The following NEB variants were observed in gnomAD, a reference collection of about 807,000 sequenced individuals.
The protein encoded by NEB is nebulin.
In NEB, 512 loss-of-function variants were observed where a neutral mutation model predicts 952.2. The observed-to-expected ratio is 0.54, with a 90% CI of 0.50 to 0.58. The LOEUF (loss-of-function observed/expected upper bound fraction) is 0.58. Among genes scored for constraint, NEB ranks in the 20% least tolerant of loss-of-function variants. The pLI, the probability that NEB is intolerant of heterozygous loss-of-function variation, is 0.00. For missense variants in NEB, 8,428 were observed against 9,231.1 expected (o/e 0.91, Z 3.56); for synonymous variants, 2,900 against 3,149.8 (o/e 0.92, Z 2.66).
chr2:151,516,315 A>G (rs1044152616), intron 157 of NEB, 144 bp downstream of exon 157: 10 of 574,822 alleles, frequency 1.7e-5, no homozygotes, highest in Non-Finnish European at 2.5e-5. Flanking sequence ...GATTTCTGAG[A>G]TGGAGAAGAT....
chr2:151,626,957 A>G (rs2098538495), intron 70 of NEB, 45 bp downstream of exon 70: 4 of 1,593,190 alleles, frequency 2.5e-6, no homozygotes, highest in Non-Finnish European at 2.6e-6. Flanking sequence ...GGTATCTTGA[A>G]TGACATATAG....
chr2:151,676,214 C>A (rs141186475), intron 34 of NEB, among the ~76,000 whole-genome samples: 1 of 152,148 alleles, frequency 6.6e-6, no homozygotes, highest in Non-Finnish European at 1.5e-5. Flanking sequence ...TAAATAATTT[C>A]TTCTAGGACC....
chr2:151,552,620 G>T, intron 128 of NEB, 52 bp downstream of exon 128: 1 of 1,322,100 alleles, frequency 7.6e-7, no homozygotes, highest in Non-Finnish European at 1.1e-6. Flanking sequence ...CTCTGCTTGA[G>T]TGGTGGCCCT....
chr2:151,507,125 A>T (rs569860726), intron 162 of NEB, 112 bp from the exon 163 acceptor site: 1 of 674,672 alleles, frequency 1.5e-6, no homozygotes, highest in South Asian at 1.9e-5. Flanking sequence ...AAAAAAGTCT[A>T]TGCACAATAA....
chr2:151,669,031 C>T lies in NEB; in HGVS notation c.4607G>A (p.Ser1536Asn), dbSNP rs182143534. ...IQAKVNALNMSDAHYKADWKK... is the reference protein window; with the variant it reads ...IQAKVNALNMNDAHYKADWKK... Reference sequence around the variant, plus strand: ...AGCACTGGGCCAAATACTCACATCACTCATGTTGAGGGCGTTGACTTTGGC... The same window carrying T: ...AGCACTGGGCCAAATACTCACATCATTCATGTTGAGGGCGTTGACTTTGGC... The change falls in exon 39 of 182, where the codon AGT (serine) becomes AAT (asparagine). Residue 1536 changes from serine to asparagine, a missense_variant. Physicochemically the swap from Ser to Asn is conservative, Grantham distance 46 (BLOSUM62 1). Coordinates refer to ENST00000397345, the MANE Select transcript of NEB (RefSeq NM_001164508.2). 5.4e-5 allele frequency: 86 copies of T among 1,584,352 alleles called. 1 individual carries two copies. The East Asian group carries it at 1.4e-3, about 25-fold the overall frequency.
Position 151,664,835 on chromosome 2 carries a change from T to A in NEB, c.5267A>T (p.Asp1756Val). The change falls in exon 43 of 182, where the codon GAC becomes GTC. Residue 1756 changes from aspartate to valine, a missense_variant. Coordinates refer to ENST00000397345, the MANE Select transcript of NEB (RefSeq NM_001164508.2). Reference protein sequence around the residue: ...KRLYTEKWNKDKTTIHVMPDT... With the variant: ...KRLYTEKWNKVKTTIHVMPDT... The stretch of plus-strand genomic sequence containing the variant: ...AGGCATGACATGAATGGTGGTCTTG[T>A]CCTTGTTCCATTTTTCAGTGTAGAG... 1 of 1,612,738 alleles carries A rather than the reference T, an allele frequency of 6.2e-7. No individual in the cohort carries two copies. The highest frequency in any genetic ancestry group is 8.5e-7 in the Non-Finnish European group (1 of 1,179,236).
rs2096235177 is a variant in NEB at position 151,563,816 on chromosome 2, T to C, written c.18579+7A>G. The C allele has an allele frequency of 6.2e-7, 1 of 1,611,804 alleles. No homozygotes were observed. Among genetic ancestry groups the C allele is most frequent in the Non-Finnish European group, 8.5e-7 (1 of 1,178,066 alleles). On this transcript the variant is annotated splice_region_variant and intron_variant, in intron 118 of 181. Transcript: ENST00000397345. ...TCAAACTTAGGAGAGGAAAAGGTCA[T>C]ACTGACCTCACTGTTCACCAGATCA...
intron 157 of NEB, among the ~76,000 whole-genome samples, chr2:151,516,251 C>T (rs550501273): frequency 6.6e-6 from 1 of 152,268 alleles, no homozygotes; most frequent in African/African-American, 2.4e-5. Context: ...TGAAATAAGA[C>T]ATATGGTAAA....
chr2:151,490,590 G>A, intron 179 of NEB, 72 bp from the exon 180 acceptor site: 1 of 1,517,842 alleles, frequency 6.6e-7, no homozygotes, highest in Non-Finnish European at 9.0e-7. Context: ...AACAGTGATT[G>A]AATCTCAGTT....
Position 151,697,272 on chromosome 2 carries a change from G to T in NEB, c.1366-20C>A. 6.2e-7 allele frequency: 1 copy of T among 1,611,138 alleles called. No individual in the cohort carries two copies. Reference sequence around the variant, plus strand: ...GTTTTTCTATGAGGAGAAGAAATTAGGCATAAGATGCAGCCATTGTATTCA... The same window carrying T: ...GTTTTTCTATGAGGAGAAGAAATTATGCATAAGATGCAGCCATTGTATTCA... On this transcript the variant is annotated intron_variant, in intron 15 of 181. Transcript: ENST00000397345.
Position 151,569,272 on chromosome 2 carries a change from C to T in NEB, c.17531G>A (p.Ser5844Asn). Reference protein sequence around the residue: ...NHAKHAADIFSEKKYRTKIET... With the variant: ...NHAKHAADIFNEKKYRTKIET... ...CAGGGTAAAATCTTGGAATACCTCACTGAAGATGTCCGCGGCATGTTTGGC... is the reference window on the plus strand; with the variant it reads ...CAGGGTAAAATCTTGGAATACCTCATTGAAGATGTCCGCGGCATGTTTGGC... Residue 5844 changes from serine (S) to asparagine (N), a missense_variant, in exon 110 of 182, where the codon AGT (serine) becomes AAT (asparagine). Ser to Asn is a conservative substitution (Grantham distance 46). Transcript: ENST00000397345. 6.2e-7 allele frequency: 1 copy of T among 1,613,712 alleles called. No homozygotes were observed. Among genetic ancestry groups the T allele is most frequent in the South Asian group, 1.1e-5 (1 of 91,078 alleles).
At chr2:151,554,900 T>C in intron 125 of NEB, 31 bp downstream of exon 125, 4 of 1,405,358 alleles carry the variant, frequency 2.8e-6, no homozygotes, top group Non-Finnish European at 4.0e-6. Flanking sequence ...GAATGTATCC[T>C]AGTCATTAAG....
rs950759807 is a variant in NEB at position 151,664,840 on chromosome 2, G to T, written c.5262C>A (p.Asn1754Lys). The T allele has an allele frequency of 3.8e-5, 61 of 1,612,212 alleles. No individual in the cohort carries two copies. Among genetic ancestry groups the T allele is most frequent in the Non-Finnish European group, 5.0e-5 (59 of 1,179,072 alleles). The change falls in exon 43 of 182, where the codon AAC (asparagine) becomes AAA (lysine). Residue 1754 changes from asparagine to lysine, a missense_variant. By Grantham distance (94) the Asn-to-Lys change is moderately conservative (BLOSUM62 0). Transcript: ENST00000397345. ...TGACATGAATGGTGGTCTTGTCCTT[G>T]TTCCATTTTTCAGTGTAGAGCCTCT... is the stretch of plus-strand genomic sequence containing the variant. ...MDKRLYTEKWNKDKTTIHVMP... is the reference protein window; with the variant it reads ...MDKRLYTEKWKKDKTTIHVMP...
intron 52 of NEB, among the ~76,000 whole-genome samples, chr2:151,652,359 G>A (rs1298703377): frequency 1.3e-5 from 2 of 152,054 alleles, no homozygotes; most frequent in Admixed American, 6.5e-5. Flanking sequence ...CCAAGTAGCT[G>A]AGACTCCAGG....
chr2:151,646,014 A>G, intron 55 of NEB, 116 bp downstream of exon 55: 1 of 735,326 alleles, frequency 1.4e-6, no homozygotes, highest in East Asian at 2.7e-5. Context: ...TCTAAGTCAT[A>G]TGTAGTTAAT....
chr2:151,534,202 C>T lies in NEB; in HGVS notation c.21313-656G>A. The stretch of plus-strand genomic sequence containing the variant: ...AGTCCTGCCTGGGCCACCGGCCAGC[C>T]CCATCACAGTACCTGACTGATCTGG... On this transcript the variant is annotated intron_variant, in intron 142 of 181. Coordinates refer to ENST00000397345, the MANE Select transcript of NEB (RefSeq NM_001164508.2). 6.2e-7 allele frequency: 1 copy of T among 1,606,438 alleles called. No homozygotes were observed. The highest frequency in any genetic ancestry group is 8.5e-7 in the Non-Finnish European group (1 of 1,174,058).
At chr2:151,685,621 G>T (rs965661982) in intron 27 of NEB, among the ~76,000 whole-genome samples, 1 of 152,152 alleles carries the variant, frequency 6.6e-6, no homozygotes, top group Non-Finnish European at 1.5e-5. Context: ...TTAAAATAAC[G>T]TTGGCCCTTC....
At chr2:151,616,561 G>T (rs898710123) in intron 75 of NEB, among the ~76,000 whole-genome samples, 1 of 152,248 alleles carries the variant, frequency 6.6e-6, no homozygotes, top group South Asian at 2.1e-4. Flanking sequence ...GGGCATGGTA[G>T]CATGCACCTG....
intron 164 of NEB, chr2:151,505,888 T>C: frequency 1.8e-6 from 1 of 541,634 alleles, no homozygotes; most frequent in Non-Finnish European, 3.3e-6. Context: ...CAGATTGACA[T>C]ACATATATCC....
Sources: gnomAD v4.1 joint callset for allele counts (sites outside exome capture counted in the v4.1 genomes callset) on GRCh38, gnomAD v4.1.1 for gene constraint, MANE v1.5 for transcripts, NCBI Gene and HGNC (gene_info 2026-07-23, HGNC 2026-07-21) for gene names.